Variants in PCSK5 observed in about 807,000 individuals in gnomAD.
The protein encoded by PCSK5 is proprotein convertase subtilisin/kexin type 5.
In PCSK5, 129 loss-of-function variants were observed where a neutral mutation model predicts 233.2. The observed-to-expected ratio is 0.55, with a 90% CI of 0.48 to 0.64. The LOEUF is 0.64. PCSK5 is among the 30% of genes least tolerant of loss of function. The pLI is 0.00. For synonymous variants in PCSK5, 825 were observed against 879.2 expected (o/e 0.94, Z 1.09); for missense variants, 2,076 against 2,430.1 (o/e 0.85, Z 3.06).
intron 5 of PCSK5, among the ~76,000 whole-genome samples, chr9:76,061,375 C>T (rs1393850624): frequency 6.6e-6 from 1 of 152,230 alleles, no homozygotes; most frequent in Admixed American, 6.5e-5. Flanking sequence ...TAATTACCCA[C>T]ATATATTTAA....
At chr9:75,966,875 A>G (rs574575536) in intron 2 of PCSK5, among the ~76,000 whole-genome samples, 3 of 152,274 alleles carry the variant, frequency 2.0e-5, no homozygotes, top group South Asian at 4.1e-4. Flanking sequence ...ACCACAGTGT[A>G]TGTTGTGAAA....
intron 2 of PCSK5, among the ~76,000 whole-genome samples, chr9:75,968,926 AACATGGC>A (rs1307359344): frequency 6.6e-6 from 1 of 151,572 alleles, no homozygotes; most frequent in Non-Finnish European, 1.5e-5. Flanking sequence ...TGTTTTTCTA[AACATGGC>A]CTTGGTGTCC....
At chr9:76,134,914 T>C (rs1194853028) in intron 10 of PCSK5, among the ~76,000 whole-genome samples, 1 of 152,090 alleles carries the variant, frequency 6.6e-6, no homozygotes, top group Admixed American at 6.6e-5. Flanking sequence ...TCCTAAAGTT[T>C]AGTATATCTA....
At chr9:76,152,378 G>T (rs11144767) in intron 10 of PCSK5, among the ~76,000 whole-genome samples, 41,209 of 152,084 alleles carry the variant, frequency 0.27, 5,876 homozygotes, top group Admixed American at 0.35. Context: ...AATGGATAGT[G>T]GTTACTAAGT....
rs79904882 is a variant in PCSK5, at chr9:76,057,302, A to G, written c.633-10653A>G. ...ACACTTGAACTTCAAACAGGTCATG[A>G]TGATGTCTATTGCTCTATAACTTGT... is the stretch of plus-strand genomic sequence containing the variant. On this transcript the variant is annotated intron_variant, in intron 5 of 37. Transcript: ENST00000674117. 4.3e-3 allele frequency among the ~76,000 whole-genome samples: 661 copies of G among 152,326 alleles called. 8 individuals carry two copies. In the South Asian group the frequency reaches 0.044, roughly 10 times the overall value.
intron 10 of PCSK5, 57 bp from the exon 11 acceptor site, chr9:76,156,988 C>T: frequency 1.0e-5 from 12 of 1,161,278 alleles, no homozygotes; most frequent in South Asian, 2.5e-5. Flanking sequence ...TACTGAGTGA[C>T]GTTATAATTT....
chr9:76,221,025 A>T (rs1334935051), intron 20 of PCSK5, among the ~76,000 whole-genome samples: 1 of 152,216 alleles, frequency 6.6e-6, no homozygotes, highest in Admixed American at 6.5e-5. Flanking sequence ...ATCCCTGTCC[A>T]GACCCTCAAC....
intron 10 of PCSK5, among the ~76,000 whole-genome samples, chr9:76,150,087 TGGA>T (rs1486569434): frequency 2.0e-5 from 3 of 152,202 alleles, no homozygotes; most frequent in African/African-American, 7.2e-5. Context: ...ACATAGTGCG[TGGA>T]GAAGAGGAGC....
intron 1 of PCSK5, among the ~76,000 whole-genome samples, chr9:75,929,351 A>C (rs1314535409): frequency 6.6e-6 from 1 of 152,032 alleles, no homozygotes; most frequent in South Asian, 2.1e-4. Flanking sequence ...TCCTGTCTCA[A>C]TGGAACATAT....
intron 7 of PCSK5, among the ~76,000 whole-genome samples, chr9:76,075,921 A>G (rs1830628690): frequency 6.6e-6 from 1 of 152,240 alleles, no homozygotes; most frequent in South Asian, 2.1e-4. Context: ...TGTAATACAT[A>G]AAAGTTCCTA....
intron 28 of PCSK5, among the ~76,000 whole-genome samples, chr9:76,304,075 G>C (rs112455291): frequency 6.0e-4 from 92 of 152,308 alleles, no homozygotes; most frequent in African/African-American, 2.0e-3. Context: ...GGGAGGCTGA[G>C]ACCAGAGAAT....
At position 76,333,307 on chromosome 9, in the gene PCSK5, A is replaced by C. The variant is rs143269192; in HGVS notation, c.4748+697A>C. Among the ~76,000 whole-genome samples, 5 of 152,332 alleles carry C rather than the reference A, an allele frequency of 3.3e-5. No homozygotes were observed. In the East Asian group the frequency reaches 9.6e-4, roughly 29 times the overall value. The stretch of plus-strand genomic sequence containing the variant: ...TCACCTTCAGGACTTGTTCTGATTC[A>C]GATTTAAAATTCAGGGTCTCACATT... On this transcript the variant is annotated intron_variant, in intron 34 of 37. Coordinates refer to ENST00000674117, the MANE Select transcript of PCSK5 (RefSeq NM_001372043.1).
rs145671449 is a variant in PCSK5, at chr9:75,896,755, A to G, written c.192+5382A>G. Reference sequence around the variant, plus strand: ...ACTTATATATGATATATACACAGATATGTATGTGTGTAATATATGTACATA... The same window carrying G: ...ACTTATATATGATATATACACAGATGTGTATGTGTGTAATATATGTACATA... On this transcript the variant is annotated intron_variant, in intron 1 of 37. Transcript: ENST00000674117. Among the ~76,000 whole-genome samples, 33 of 152,316 alleles carry G rather than the reference A, an allele frequency of 2.2e-4. 1 individual carries two copies. In the East Asian group the frequency reaches 5.2e-3, roughly 24 times the overall value.
chr9:76,246,341 CAAAAAAAAAAAAAAA>C (rs59806704), intron 24 of PCSK5, among the ~76,000 whole-genome samples: 1 of 52,652 alleles, frequency 1.9e-5, no homozygotes, highest in East Asian at 6.6e-4. Flanking sequence ...GATTCCATCT[CAAAAAAAAAAAAAAA>C]AAAAAAAAAA....
Position 75,995,840 on chromosome 9 carries a change from A to C in PCSK5, c.411+9595A>C, listed in dbSNP as rs142916673. On this transcript the variant is annotated intron_variant, in intron 3 of 37. Coordinates refer to ENST00000674117, the MANE Select transcript of PCSK5 (RefSeq NM_001372043.1). The stretch of plus-strand genomic sequence containing the variant: ...GATAATGACTTCACTAGGAAGAAAA[A>C]GTCAACAATATTTCATAATATTTCT... 2.4e-4 allele frequency among the ~76,000 whole-genome samples: 37 copies of C among 152,190 alleles called. No homozygotes were observed. In the East Asian group the frequency reaches 6.7e-3, roughly 28 times the overall value.
intron 7 of PCSK5, among the ~76,000 whole-genome samples, chr9:76,093,640 CT>C (rs1266102650): frequency 6.6e-6 from 1 of 151,752 alleles, no homozygotes; most frequent in African/African-American, 2.4e-5. Context: ...CATTGTGAGT[CT>C]TTGTCTATCA....
chr9:76,206,490 C>T (rs562682626), intron 20 of PCSK5, among the ~76,000 whole-genome samples: 236 of 152,306 alleles, frequency 1.5e-3, no homozygotes, highest in African/African-American at 5.4e-3. Context: ...CCCAGGCTGC[C>T]GGTGCAACTC....
chr9:76,183,748 G>A (rs997067680), intron 16 of PCSK5, among the ~76,000 whole-genome samples: 19 of 152,292 alleles, frequency 1.2e-4, no homozygotes, highest in African/African-American at 4.6e-4. Context: ...ACTAAGCTGT[G>A]TTTCTCTATG....
intron 36 of PCSK5, among the ~76,000 whole-genome samples, chr9:76,353,453 A>T (rs912761839): frequency 6.6e-6 from 1 of 152,200 alleles, no homozygotes; most frequent in Non-Finnish European, 1.5e-5. Context: ...AAAGAAAACC[A>T]CAGTGTAAGC....
Sources: allele counts gnomAD v4.1 joint callset (sites outside exome capture counted in the v4.1 genomes callset), GRCh38; gene constraint gnomAD v4.1.1; transcripts MANE v1.5; gene names NCBI Gene and HGNC (gene_info 2026-07-23, HGNC 2026-07-21).